NCALD: variants seen among roughly 807,000 people sequenced by gnomAD.
NCALD encodes neurocalcin-delta.
Under a neutral mutation model 18.6 loss-of-function variants are expected in NCALD, and 10 were observed. That is an observed-to-expected ratio of 0.54 (90% CI 0.33 to 0.91). The LOEUF (loss-of-function observed/expected upper bound fraction) is 0.91. Ranked by LOEUF, NCALD falls within the 40% of genes least tolerant of loss-of-function variation. The pLI is 0.03. For synonymous variants in NCALD, 88 were observed against 87.4 expected, an observed-to-expected ratio of 1.01 and a Z score of -0.04; for missense variants, 184 against 247.6, an observed-to-expected ratio of 0.74 and a Z score of 1.72.
intron 4 of NCALD, among the ~76,000 whole-genome samples, chr8:101,833,037 G>A (rs1245474001): frequency 6.6e-6 from 1 of 152,188 alleles, no homozygotes; most frequent in Admixed American, 6.5e-5. Context: ...CCGGAGCCTG[G>A]ATCTGAAGAG....
At chr8:102,008,917 TAC>T (rs761346653) in intron 2 of NCALD, among the ~76,000 whole-genome samples, 636 of 38,508 alleles carry the variant, frequency 0.017, 18 homozygotes, top group African/African-American at 0.039. Flanking sequence ...CCCGCCCCCC[TAC>T]ACACACACAC....
chr8:101,876,787 C>T (rs1182128602), intron 4 of NCALD, among the ~76,000 whole-genome samples: 1 of 152,202 alleles, frequency 6.6e-6, no homozygotes, highest in African/African-American at 2.4e-5. Context: ...ATGCATGTTG[C>T]TAAGCAATGT....
At chr8:102,102,752 G>T (rs1372284676) in intron 1 of NCALD, among the ~76,000 whole-genome samples, 1 of 152,032 alleles carries the variant, frequency 6.6e-6, no homozygotes, top group South Asian at 2.1e-4. Flanking sequence ...GATGCAGTTC[G>T]TTGCATTTAT....
At position 101,899,323 on chromosome 8, in the gene NCALD, G is replaced by A. The variant is rs555106921; in HGVS notation, c.-106-12096C>T. Among the ~76,000 whole-genome samples the A allele has an allele frequency of 1.1e-4, 16 of 151,876 alleles. No individual in the cohort carries two copies. In the East Asian group the frequency reaches 2.9e-3, roughly 27 times the overall value. ...CATTGAATTTTTCTAGTAGACAATC[G>A]TGTTGCCTGCAAATAGGAATGGTTT... is the stretch of plus-strand genomic sequence containing the variant. On this transcript the variant is annotated intron_variant, in intron 3 of 6. Coordinates refer to the NCALD transcript ENST00000311028.
At chr8:101,744,212 C>T (rs2130721460) in intron 1 of NCALD, among the ~76,000 whole-genome samples, 1 of 152,312 alleles carries the variant, frequency 6.6e-6, no homozygotes, top group Admixed American at 6.5e-5. Context: ...CCCTCAGTCC[C>T]CTGGTGCTCA....
intron 1 of NCALD, among the ~76,000 whole-genome samples, chr8:101,749,114 C>T (rs1039600280): frequency 1.3e-5 from 2 of 152,224 alleles, no homozygotes; most frequent in Admixed American, 1.3e-4. Flanking sequence ...GAAGCCAATG[C>T]TTTGCTTTCT....
At chr8:101,787,300 T>C (rs1812265186) in intron 1 of NCALD, among the ~76,000 whole-genome samples, 1 of 152,214 alleles carries the variant, frequency 6.6e-6, no homozygotes, top group Admixed American at 6.5e-5. Flanking sequence ...AAGTGTTCTT[T>C]TCTAATCCAA....
chr8:101,812,255 G>A (rs529156446), intron 4 of NCALD, among the ~76,000 whole-genome samples: 5 of 151,690 alleles, frequency 3.3e-5, no homozygotes, highest in Non-Finnish European at 7.4e-5. Context: ...TATCACCAAA[G>A]CAGTCTATGA....
intron 3 of NCALD, among the ~76,000 whole-genome samples, chr8:101,894,759 C>A (rs529665326): frequency 6.6e-6 from 1 of 151,398 alleles, no homozygotes; most frequent in East Asian, 1.9e-4. Context: ...ACTAGAAAAT[C>A]TAGAAGAAAT....
intron 2 of NCALD, among the ~76,000 whole-genome samples, chr8:101,984,991 G>C (rs904059844): frequency 6.6e-6 from 1 of 152,158 alleles, no homozygotes; most frequent in Non-Finnish European, 1.5e-5. Flanking sequence ...GAGGACACCA[G>C]AGTCAGGGAC....
intron 2 of NCALD, among the ~76,000 whole-genome samples, chr8:101,707,565 A>G (rs1376484123): frequency 5.3e-5 from 8 of 152,210 alleles, no homozygotes; most frequent in South Asian, 4.1e-4. Context: ...GGTTGCCAGT[A>G]TATTTCCAAA....
At chr8:101,715,944 T>C (rs1204154968) in intron 2 of NCALD, among the ~76,000 whole-genome samples, 1 of 152,180 alleles carries the variant, frequency 6.6e-6, no homozygotes, top group Non-Finnish European at 1.5e-5. Context: ...GAAGTACCAT[T>C]TGACCCAGCA....
chr8:101,765,721 A>G (rs1811320779), intron 1 of NCALD, among the ~76,000 whole-genome samples: 1 of 152,190 alleles, frequency 6.6e-6, no homozygotes. Context: ...CGAGCAGGTC[A>G]AGAGCATAAG....
chr8:101,940,332 C>G (rs187117962), intron 2 of NCALD, among the ~76,000 whole-genome samples: 39 of 152,184 alleles, frequency 2.6e-4, no homozygotes, highest in Non-Finnish European at 4.6e-4. Context: ...AACACTAAAG[C>G]AAACCAAGAA....
intron 2 of NCALD, chr8:101,915,869 A>G (rs1349187270): frequency 6.6e-6 from 1 of 152,240 alleles, no homozygotes; most frequent in Non-Finnish European, 1.5e-5. Flanking sequence ...CTGAAAGAAA[A>G]CATGCAAAAC....
chr8:101,714,291 A>G (rs999530752), intron 2 of NCALD, among the ~76,000 whole-genome samples: 2 of 152,236 alleles, frequency 1.3e-5, no homozygotes, highest in Non-Finnish European at 2.9e-5. Context: ...AACTTCAGCA[A>G]AGTCTCAGGA....
chr8:101,731,088 G>T (rs1563706666), intron 1 of NCALD, among the ~76,000 whole-genome samples: 1 of 152,074 alleles, frequency 6.6e-6, no homozygotes, highest in Non-Finnish European at 1.5e-5. Context: ...AGGAAGTGAG[G>T]CAGGGCACCA....
intron 2 of NCALD, among the ~76,000 whole-genome samples, chr8:101,952,099 T>C (rs1299751981): frequency 6.6e-6 from 1 of 152,224 alleles, no homozygotes; most frequent in East Asian, 1.9e-4. Context: ...CCCTGGAAGA[T>C]GCCGGGCAGG....
At chr8:102,052,710 A>G (rs1823497062) in intron 1 of NCALD, among the ~76,000 whole-genome samples, 2 of 152,206 alleles carry the variant, frequency 1.3e-5, no homozygotes, top group African/African-American at 4.8e-5. Flanking sequence ...TTTTCCCGTA[A>G]AGGCCAGAGA....
Sources: gnomAD v4.1 joint callset for allele counts (sites outside exome capture counted in the v4.1 genomes callset) on GRCh38, gnomAD v4.1.1 for gene constraint, MANE v1.5 for transcripts, NCBI Gene and HGNC (gene_info 2026-07-23, HGNC 2026-07-21) for gene names.